PCDH9: variants seen among roughly 807,000 people sequenced by gnomAD.
PCDH9 encodes protocadherin-9.
PCDH9 carries 24 observed loss-of-function variants against 70.6 expected under a neutral mutation model. The ratio of observed to expected loss-of-function variants is 0.34; its 90% CI spans 0.25 to 0.48. The LOEUF (loss-of-function observed/expected upper bound fraction) is 0.48, where lower values mean the gene tolerates loss of function less well. PCDH9 is among the 20% of genes least tolerant of loss of function. The pLI is 0.99. For synonymous variants in PCDH9, 562 were observed against 558.5 expected (o/e 1.01, Z -0.09); for missense variants, 1,281 against 1,503.6 (o/e 0.85, Z 2.45).
chr13:66,863,346 T>G (rs1344732309), intron 3 of PCDH9, among the ~76,000 whole-genome samples: 1 of 152,186 alleles, frequency 6.6e-6, no homozygotes, highest in African/African-American at 2.4e-5. Context: ...GAAAATGCAC[T>G]TAGTATACTG....
chr13:66,320,614 T>C (rs1321747309), intron 4 of PCDH9, among the ~76,000 whole-genome samples: 1 of 151,990 alleles, frequency 6.6e-6, no homozygotes, highest in African/African-American at 2.4e-5. Flanking sequence ...GAAATGTAAA[T>C]GGAACACCAA....
chr13:66,587,162 G>A lies in PCDH9; in HGVS notation c.3340+44048C>T, dbSNP rs2076973808. Among the ~76,000 whole-genome samples the A allele has an allele frequency of 5.3e-5, 8 of 151,936 alleles. No individual in the cohort carries two copies. The South Asian group carries it at 1.7e-3, about 32-fold the overall frequency. ...AATATTTGAAAATTAGCTGGGCATG[G>A]TGGCAAAAAACTCTAGTCCCAACTA... On this transcript the variant is annotated intron_variant, in intron 4 of 4. Coordinates refer to ENST00000377865, the MANE Select transcript of PCDH9 (RefSeq NM_203487.3).
At chr13:67,016,648 C>T (rs1224199619) in intron 2 of PCDH9, among the ~76,000 whole-genome samples, 1 of 152,150 alleles carries the variant, frequency 6.6e-6, no homozygotes, top group Non-Finnish European at 1.5e-5. Flanking sequence ...TTTATTTGTA[C>T]TTTCCCCATA....
intron 2 of PCDH9, among the ~76,000 whole-genome samples, chr13:67,019,508 T>TAAAC (rs145785638): frequency 2.0e-5 from 3 of 151,960 alleles, no homozygotes; most frequent in Non-Finnish European, 2.9e-5. Flanking sequence ...CAGTTGCTCT[T>TAAAC]AAACAAACAA....
intron 4 of PCDH9, among the ~76,000 whole-genome samples, chr13:66,585,884 GA>G (rs2076956067): frequency 1.3e-5 from 2 of 152,212 alleles, no homozygotes; most frequent in Middle Eastern, 3.4e-3. Flanking sequence ...CTAAGACAAA[GA>G]GACAAAAAGT....
chr13:66,536,876 G>T (rs910193370), intron 4 of PCDH9, among the ~76,000 whole-genome samples: 9 of 151,936 alleles, frequency 5.9e-5, no homozygotes, highest in African/African-American at 2.2e-4. Context: ...ACAAGTTGAA[G>T]AATTAAAAAA....
chr13:66,658,386 A>G (rs1207760919), intron 3 of PCDH9, among the ~76,000 whole-genome samples: 1 of 152,106 alleles, frequency 6.6e-6, no homozygotes, highest in Non-Finnish European at 1.5e-5. Flanking sequence ...GTTCCAGTCT[A>G]TTGCTTAAAC....
intron 3 of PCDH9, among the ~76,000 whole-genome samples, chr13:66,669,118 G>A (rs1336804857): frequency 1.3e-5 from 2 of 152,106 alleles, no homozygotes; most frequent in African/African-American, 2.4e-5. Flanking sequence ...GTGCCCTTGT[G>A]CATCTCAGGC....
intron 3 of PCDH9, among the ~76,000 whole-genome samples, chr13:66,771,947 G>A (rs2079815176): frequency 6.6e-6 from 1 of 152,080 alleles, no homozygotes; most frequent in Non-Finnish European, 1.5e-5. Context: ...TTAGAAAAAA[G>A]AACAACAACA....
chr13:66,428,313 A>G (rs1485586909), intron 4 of PCDH9, among the ~76,000 whole-genome samples: 1 of 151,788 alleles, frequency 6.6e-6, no homozygotes, highest in Non-Finnish European at 1.5e-5. Context: ...TGTTGGGTTT[A>G]TTAATAAACG....
intron 2 of PCDH9, chr13:66,985,821 C>T (rs2083879936): frequency 1.3e-5 from 2 of 151,984 alleles, no homozygotes; most frequent in Admixed American, 6.6e-5. Flanking sequence ...TTATGCTCTT[C>T]AATTTCAATG....
chr13:66,848,853 C>G (rs930348828), intron 3 of PCDH9, among the ~76,000 whole-genome samples: 8 of 146,562 alleles, frequency 5.5e-5, no homozygotes, highest in Admixed American at 1.4e-4. Flanking sequence ...GCGTGAACCC[C>G]GGAGGCGGAG....
At chr13:66,606,122 A>G (rs1161425824) in intron 4 of PCDH9, among the ~76,000 whole-genome samples, 1 of 147,062 alleles carries the variant, frequency 6.8e-6, no homozygotes, top group Non-Finnish European at 1.5e-5. Context: ...TCATCTACTC[A>G]CTTATTTTTT....
At chr13:66,723,563 T>G (rs2078969063) in intron 3 of PCDH9, among the ~76,000 whole-genome samples, 1 of 152,206 alleles carries the variant, frequency 6.6e-6, no homozygotes, top group African/African-American at 2.4e-5. Context: ...GCATTGACTG[T>G]GGTTTAAGGC....
At chr13:66,978,222 A>G (rs2083660937) in intron 2 of PCDH9, among the ~76,000 whole-genome samples, 1 of 152,100 alleles carries the variant, frequency 6.6e-6, no homozygotes, top group Non-Finnish European at 1.5e-5. Context: ...CACTGACCAT[A>G]AGAAAATGGG....
intron 4 of PCDH9, among the ~76,000 whole-genome samples, chr13:66,496,959 A>G (rs79583104): frequency 0.045 from 6,807 of 152,300 alleles, 502 homozygotes; most frequent in African/African-American, 0.15. Context: ...ACAAGGCCAC[A>G]TGATTTATGT....
intron 4 of PCDH9, among the ~76,000 whole-genome samples, chr13:66,435,569 A>G (rs530245017): frequency 6.6e-6 from 1 of 152,072 alleles, no homozygotes; most frequent in South Asian, 2.1e-4. Context: ...CATAAGATTC[A>G]CTCCCTTCAT....
At chr13:66,913,987 C>G (rs903414611) in intron 2 of PCDH9, among the ~76,000 whole-genome samples, 1 of 151,822 alleles carries the variant, frequency 6.6e-6, no homozygotes, top group Non-Finnish European at 1.5e-5. Flanking sequence ...AGAATTGGTG[C>G]TTTGAATACC....
intron 4 of PCDH9, among the ~76,000 whole-genome samples, chr13:66,538,231 G>A (rs1308204682): frequency 6.6e-6 from 1 of 152,076 alleles, no homozygotes; most frequent in Non-Finnish European, 1.5e-5. Context: ...ATTAAAACAT[G>A]CACATAGAAA....
Sources: gnomAD v4.1 joint callset for allele counts (sites outside exome capture counted in the v4.1 genomes callset) on GRCh38, gnomAD v4.1.1 for gene constraint, MANE v1.5 for transcripts, NCBI Gene and HGNC (gene_info 2026-07-23, HGNC 2026-07-21) for gene names.